AGBL4: variants seen among roughly 807,000 people sequenced by gnomAD.
AGBL4 encodes the protein AGBL carboxypeptidase 4, also known as cytosolic carboxypeptidase 6.
Under a neutral mutation model 66.4 loss-of-function variants are expected in AGBL4, and 58 were observed. The observed-to-expected ratio is 0.87, with a 90% CI of 0.71 to 1.09. AGBL4 has a LOEUF of 1.09. Among genes scored for constraint, AGBL4 ranks in the 50% least tolerant of loss-of-function variants. The probability of loss-of-function intolerance (pLI) is 0.00; values close to 1 mark genes in which losing one functional copy is unlikely to be tolerated. For synonymous variants in AGBL4, 234 were observed against 222.9 expected, an observed-to-expected ratio of 1.05 and a Z score of -0.44; for missense variants, 579 against 631.0, an observed-to-expected ratio of 0.92 and a Z score of 0.88.
chr1:49,058,052 T>C (rs1644338159), intron 4 of AGBL4, among the ~76,000 whole-genome samples: 1 of 152,126 alleles, frequency 6.6e-6, no homozygotes. Flanking sequence ...GTTCCATGAG[T>C]AAGATTTTGC....
intron 5 of AGBL4, among the ~76,000 whole-genome samples, chr1:48,897,310 G>T (rs1310278467): frequency 6.6e-6 from 1 of 152,062 alleles, no homozygotes; most frequent in Non-Finnish European, 1.5e-5. Flanking sequence ...AAATGAGAGG[G>T]TTTCATTATT....
the AGBL4 span, among the ~76,000 whole-genome samples, chr1:48,525,308 C>A: frequency 1.3e-5 from 2 of 152,004 alleles, no homozygotes; most frequent in African/African-American, 4.8e-5. Context: ...AAGCTCAGGG[C>A]CAGTGCACCA....
intron 2 of AGBL4, among the ~76,000 whole-genome samples, chr1:49,698,514 G>T (rs1647029187): frequency 6.6e-6 from 1 of 151,858 alleles, no homozygotes; most frequent in Non-Finnish European, 1.5e-5. Context: ...GAAAACCAAG[G>T]TACAGAGAAC....
At chr1:49,151,721 C>A (rs956794178) in intron 4 of AGBL4, among the ~76,000 whole-genome samples, 1 of 152,046 alleles carries the variant, frequency 6.6e-6, no homozygotes, top group Non-Finnish European at 1.5e-5. Flanking sequence ...TGCACTGGTC[C>A]CCTCTGAAGA....
In AGBL4 at chr1:49,383,954, G is replaced by A. The variant is rs542456879; in HGVS notation, c.283-138090C>T. Among the ~76,000 whole-genome samples the A allele has an allele frequency of 7.2e-4, 110 of 151,960 alleles. 1 individual carries two copies. Among genetic ancestry groups the A allele is most frequent in the Non-Finnish European group, 1.1e-3 (76 of 67,950 alleles). On this transcript the variant is annotated intron_variant, in intron 3 of 13. Transcript: ENST00000371839. ...TGGGACTACAGCTGTGTACCACTAC[G>A]CCCAGCTAATTTTTTGTATTTTAGT...
chr1:48,904,626 C>T (rs1245933075), intron 5 of AGBL4, among the ~76,000 whole-genome samples: 1 of 152,164 alleles, frequency 6.6e-6, no homozygotes, highest in Non-Finnish European at 1.5e-5. Flanking sequence ...CTTTCTGTGC[C>T]TCTGTTTCCT....
intron 1 of AGBL4, among the ~76,000 whole-genome samples, chr1:50,001,378 C>T (rs1660736734): frequency 6.6e-6 from 1 of 151,220 alleles, no homozygotes; most frequent in Non-Finnish European, 1.5e-5. Flanking sequence ...TCTTACCTTA[C>T]ATCTCTGGTG....
intron 6 of AGBL4, among the ~76,000 whole-genome samples, chr1:48,702,534 C>A (rs1466093012): frequency 1.3e-5 from 2 of 152,054 alleles, no homozygotes; most frequent in Admixed American, 1.3e-4. Flanking sequence ...TCAAATGAAC[C>A]AACCGCCTTG....
In AGBL4 at chr1:49,567,516, A is replaced by G. The variant is rs916652309; in HGVS notation, c.282+129797T>C. 7.2e-5 allele frequency among the ~76,000 whole-genome samples: 11 copies of G among 152,374 alleles called. No individual in the cohort carries two copies. The East Asian group carries it at 1.9e-3, about 27-fold the overall frequency. On this transcript the variant is annotated intron_variant, in intron 3 of 13. Transcript: ENST00000371839. The stretch of plus-strand genomic sequence containing the variant: ...AAATACTGTTAAATTTTACTTACAT[A>G]TAATAAAAGTATAGTAATTTTTAAA...
At chr1:49,716,209 A>T (rs1240718443) in intron 2 of AGBL4, among the ~76,000 whole-genome samples, 3 of 152,108 alleles carry the variant, frequency 2.0e-5, no homozygotes, top group Admixed American at 1.3e-4. Context: ...TAAATAGGGA[A>T]TCCTTTCCCC....
Position 49,558,307 on chromosome 1 carries a change from G to T in AGBL4, c.282+139006C>A, listed in dbSNP as rs141899287. Among the ~76,000 whole-genome samples, 522 of 152,162 alleles carry T rather than the reference G, an allele frequency of 3.4e-3. 1 individual carries two copies. Among genetic ancestry groups the T allele is most frequent in the African/African-American group, 0.012 (484 of 41,514 alleles). ...ACCAGAATGGCCACAGTGTGTCAGAGAACCAAGCTGGATTTTGGGATCCCT... is the reference window on the plus strand; with the variant it reads ...ACCAGAATGGCCACAGTGTGTCAGATAACCAAGCTGGATTTTGGGATCCCT... On this transcript the variant is annotated intron_variant, in intron 3 of 13. Transcript: ENST00000371839.
intron 1 of AGBL4, among the ~76,000 whole-genome samples, chr1:49,877,135 T>C (rs936202890): frequency 2.0e-5 from 3 of 151,602 alleles, no homozygotes; most frequent in East Asian, 3.9e-4. Flanking sequence ...CTTTTCCTAA[T>C]TGAATACCCT....
At chr1:49,616,267 C>G (rs1376131746) in intron 3 of AGBL4, among the ~76,000 whole-genome samples, 8 of 152,132 alleles carry the variant, frequency 5.3e-5, no homozygotes, top group Admixed American at 2.0e-4. Flanking sequence ...CATTTCTAAA[C>G]CTATAATCAA....
intron 2 of AGBL4, among the ~76,000 whole-genome samples, chr1:49,741,432 C>T (rs1052656388): frequency 2.0e-5 from 3 of 152,106 alleles, no homozygotes; most frequent in African/African-American, 2.4e-5. Context: ...CAAAAAAAGG[C>T]CAACAGCAAA....
At chr1:50,023,253 A>G (rs1325367126) in intron 1 of AGBL4, among the ~76,000 whole-genome samples, 1 of 152,130 alleles carries the variant, frequency 6.6e-6, no homozygotes, top group Non-Finnish European at 1.5e-5. Flanking sequence ...CACATCCCCA[A>G]ACACAAATAC....
intron 3 of AGBL4, among the ~76,000 whole-genome samples, chr1:49,500,630 T>C (rs938515954): frequency 2.6e-5 from 4 of 152,078 alleles, no homozygotes; most frequent in Non-Finnish European, 2.9e-5. Context: ...CTTTGTTGAA[T>C]AGAATGTCCT....
chr1:49,099,708 C>A (rs1645166830), intron 4 of AGBL4, among the ~76,000 whole-genome samples: 2 of 151,998 alleles, frequency 1.3e-5, no homozygotes, highest in Admixed American at 1.3e-4. Flanking sequence ...ACCTTCAGAG[C>A]AAAAGTGGGT....
intron 3 of AGBL4, among the ~76,000 whole-genome samples, chr1:49,690,147 G>C (rs1462418088): frequency 6.6e-6 from 1 of 152,022 alleles, no homozygotes; most frequent in Non-Finnish European, 1.5e-5. Flanking sequence ...TTGCAATAAA[G>C]TGTTTCTCAA....
intron 6 of AGBL4, among the ~76,000 whole-genome samples, chr1:48,693,764 T>C (rs964652365): frequency 5.3e-5 from 8 of 152,162 alleles, no homozygotes; most frequent in African/African-American, 1.9e-4. Flanking sequence ...AACCCCTTTC[T>C]AAGTCTGCAG....
Sources: allele counts gnomAD v4.1 joint callset (sites outside exome capture counted in the v4.1 genomes callset), GRCh38; gene constraint gnomAD v4.1.1; transcripts MANE v1.5; gene names NCBI Gene and HGNC (gene_info 2026-07-23, HGNC 2026-07-21).